ALKBH2: variants seen among roughly 807,000 people sequenced by gnomAD.
ALKBH2 encodes alkB homolog 2, alpha-ketoglutarate dependent dioxygenase.
Under a neutral mutation model 19.7 loss-of-function variants are expected in ALKBH2, and 19 were observed. That is an observed-to-expected ratio of 0.97 (90% CI 0.67 to 1.42). The LOEUF is 1.42. ALKBH2 is among the 40% of genes most tolerant of loss of function. The pLI is 0.00. For synonymous variants in ALKBH2, 135 were observed against 131.2 expected (o/e 1.03, Z -0.20); for missense variants, 310 against 328.5 (o/e 0.94, Z 0.43).
rs1330035474 is a variant in ALKBH2, at chr12:109,088,969, CAA to C, written c.480-459_480-458del. 3.3e-5 allele frequency among the ~76,000 whole-genome samples: 5 copies of C among 152,282 alleles called. No individual in the cohort carries two copies. Among genetic ancestry groups the C allele is most frequent in the African/African-American group, 1.2e-4 (5 of 41,556 alleles). ...AAGCAATTCACTCTCCTTGGCCTCC[CAA>C]AGTGTTGGGATTACAGGCATGAGTC... On this transcript the variant is annotated intron_variant, in intron 3 of 3. Transcript: ENST00000429722. The surrounding 1 kb of genome is among the most constrained non-coding windows in gnomAD (Gnocchi z 4.2).
Position 109,090,041 on chromosome 12 carries a change from A to G in ALKBH2, c.447T>C (p.Thr149=), listed in dbSNP as rs767841243. ...ERIRDHVSGV[T]GQTFNFVLIN... is the part of the protein sequence containing the mutation. ...TGAGCACAAAGTTGAAGGTCTGTCCAGTCACCCCAGAGACGTGATCCCGGA... is the reference window on the plus strand; with the variant it reads ...TGAGCACAAAGTTGAAGGTCTGTCCGGTCACCCCAGAGACGTGATCCCGGA... The change falls in exon 3 of 4, where the codon ACT becomes ACC. Residue 149 remains threonine, a synonymous_variant. Transcript: ENST00000429722. The G allele has an allele frequency of 1.2e-6, 2 of 1,614,226 alleles. No individual in the cohort carries two copies. The highest frequency in any genetic ancestry group is 8.5e-7 in the Non-Finnish European group (1 of 1,180,036).
intron 2 of ALKBH2, among the ~76,000 whole-genome samples, chr12:109,090,921 A>T (rs1354928303): frequency 1.3e-5 from 2 of 152,128 alleles, no homozygotes. Context: ...TTTTTTAGTG[A>T]ACACTGTAAC....
intron 3 of ALKBH2, 74 bp downstream of exon 3, chr12:109,089,935 G>A: frequency 6.5e-7 from 1 of 1,536,378 alleles, no homozygotes. Context: ...AACCAAATAG[G>A]GTGGAACCCT....
chr12:109,089,714 G>T, intron 3 of ALKBH2: 1 of 391,470 alleles, frequency 2.6e-6, no homozygotes, highest in Non-Finnish European at 4.8e-6. Flanking sequence ...AGCAGTTTGA[G>T]ACCAAGCCTG....
Position 109,088,300 on chromosome 12 carries a change from T to C in ALKBH2, c.692A>G (p.Asn231Ser), listed in dbSNP as rs2041997485. The C allele has an allele frequency of 1.2e-6, 2 of 1,614,044 alleles. No homozygotes were observed. Among genetic ancestry groups the C allele is most frequent in the African/African-American group, 1.3e-5 (1 of 74,914 alleles). The change falls in exon 4 of 4, where the codon AAC becomes AGC. Residue 231 changes from asparagine to serine, a missense_variant. Coordinates refer to ENST00000429722, the MANE Select transcript of ALKBH2 (RefSeq NM_001145374.2). This position sits in a 1 kb window ranked among gnomAD's most constrained non-coding sequence, Gnocchi z 4.2. Reference protein sequence around the residue: ...GSLLMMNHPTNTHWYHSLPVR... With the variant: ...GSLLMMNHPTSTHWYHSLPVR... ...GGGAAGACTGTGGTACCAGTGCGTG[T>C]TGGTCGGGTGGTTCATCATTAGTAA...
chr12:109,088,243 T>C lies in ALKBH2; in HGVS notation c.749A>G (p.Asn250Ser). Residue 250 changes from asparagine to serine, a missense_variant, in exon 4 of 4, where the codon AAT (asparagine) becomes AGT (serine). By Grantham distance (46) the Asn-to-Ser change is conservative. Coordinates refer to ENST00000429722, the MANE Select transcript of ALKBH2 (RefSeq NM_001145374.2). The surrounding 1 kb of genome is among the most constrained non-coding windows in gnomAD (Gnocchi z 4.2). ...AAGCAAAATTTTACGAAAAGTCAGA[T>C]TCACCCGTGGAGCCAGAACCTTCTT... ...VRKKVLAPRV[N>S]LTFRKILLTK... is the part of the protein sequence containing the mutation. The C allele has an allele frequency of 1.2e-6, 2 of 1,604,180 alleles. No individual in the cohort carries two copies. The highest frequency in any genetic ancestry group is 1.7e-6 in the Non-Finnish European group (2 of 1,174,516).
At chr12:109,089,984 T>A (rs2042036098) in intron 3 of ALKBH2, 25 bp downstream of exon 3, 2 of 1,612,738 alleles carry the variant, frequency 1.2e-6, no homozygotes, top group Non-Finnish European at 1.7e-6. Flanking sequence ...ACTTGTAACA[T>A]TGAGTCCACT....
At position 109,092,556 on chromosome 12, in the gene ALKBH2, C is replaced by T. The variant is rs1208659677; in HGVS notation, c.231G>A (p.Glu77=). Residue 77 remains glutamate (E), a synonymous_variant, in exon 2 of 4, where the codon GAG becomes GAA. Coordinates refer to ENST00000429722, the MANE Select transcript of ALKBH2 (RefSeq NM_001145374.2). ...CSYTVLFGKA[E]ADEIFQELEK... is the part of the protein sequence containing the mutation. Reference sequence around the variant, plus strand: ...CCAACTCTTGGAAAATCTCATCTGCCTCAGCTTTGCCAAACAGGACTGTGT... The same window carrying T: ...CCAACTCTTGGAAAATCTCATCTGCTTCAGCTTTGCCAAACAGGACTGTGT... 1 of 1,605,846 alleles carries T rather than the reference C, an allele frequency of 6.2e-7. No homozygotes were observed. The highest frequency in any genetic ancestry group is 1.3e-5 in the African/African-American group (1 of 74,590).
intron 2 of ALKBH2, among the ~76,000 whole-genome samples, chr12:109,091,023 G>A (rs767980795): frequency 5.3e-5 from 8 of 152,212 alleles, no homozygotes; most frequent in African/African-American, 1.9e-4. Flanking sequence ...CTTGTCAACT[G>A]TAGGGACTAA....
At position 109,088,353 on chromosome 12, in the gene ALKBH2, C is replaced by T. The variant is rs775339585; in HGVS notation, c.639G>A (p.Val213=). 6.2e-7 allele frequency: 1 copy of T among 1,614,084 alleles called. No homozygotes were observed. Among genetic ancestry groups the T allele is most frequent in the Non-Finnish European group, 8.5e-7 (1 of 1,180,012 alleles). ...RGKSPSRRVA[V]VRLPLAHGSL... is the part of the protein sequence containing the mutation. The stretch of plus-strand genomic sequence containing the variant: ...TCCCGTGGGCCAGCGGCAGCCTGAC[C>T]ACCGCCACCCTCCTGGAGGGGCTTT... The change falls in exon 4 of 4, where the codon GTG becomes GTA. Residue 213 remains valine (V), a synonymous_variant. Coordinates refer to ENST00000429722, the MANE Select transcript of ALKBH2 (RefSeq NM_001145374.2). The surrounding 1 kb of genome is among the most constrained non-coding windows in gnomAD (Gnocchi z 4.2).
At chr12:109,090,814 A>G (rs1002699958) in intron 2 of ALKBH2, among the ~76,000 whole-genome samples, 1 of 152,184 alleles carries the variant, frequency 6.6e-6, no homozygotes, top group Non-Finnish European at 1.5e-5. Context: ...GTCTGGGATT[A>G]TAGGTGTGCA....
chr12:109,089,859 A>G, intron 3 of ALKBH2, 150 bp downstream of exon 3: 1 of 762,054 alleles, frequency 1.3e-6, no homozygotes, highest in Non-Finnish European at 2.1e-6. Context: ...GGATCCAGGA[A>G]GACCGAGTGC....
Position 109,092,472 on chromosome 12 carries a change from T to G in ALKBH2, c.280+35A>C, listed in dbSNP as rs763388619. ...TTAATTGCACCAAACAAGCCCTCAA[T>G]GCACACACACACACACACACACCCC... On this transcript the variant is annotated intron_variant, in intron 2 of 3. Coordinates refer to ENST00000429722, the MANE Select transcript of ALKBH2 (RefSeq NM_001145374.2). The G allele has an allele frequency of 7.3e-6, 6 of 821,206 alleles. No homozygotes were observed. In the Admixed American group the frequency reaches 2.4e-4, roughly 33 times the overall value. The allele number at this position is 821,206 out of a possible 1,614,324, so 50.9% of individuals were successfully genotyped here. A position where few individuals can be genotyped will look rare whatever the true frequency, so the allele number is the denominator to read the frequency against.
chr12:109,092,772 C>T lies in ALKBH2; in HGVS notation c.15G>A (p.Leu5=). 4 of 1,613,054 alleles carry T rather than the reference C, an allele frequency of 2.5e-6. No individual in the cohort carries two copies. Among genetic ancestry groups the T allele is most frequent in the Non-Finnish European group, 3.4e-6 (4 of 1,179,430 alleles). The stretch of plus-strand genomic sequence containing the variant: ...AAAGGCCCCCTTGAGCCCCTTTCAC[C>T]AGGAATCTGTCCATCCTGTCCCCAC... MDRF[L]VKGAQGGLLR... is the part of the protein sequence containing the mutation. Residue 5 remains leucine (L), a synonymous_variant, in exon 2 of 4, where the codon CTG becomes CTA. Transcript: ENST00000429722.
intron 2 of ALKBH2, 83 bp from the exon 3 acceptor site, chr12:109,090,290 C>T: frequency 8.0e-7 from 1 of 1,256,016 alleles, no homozygotes; most frequent in Non-Finnish European, 1.1e-6. Context: ...GCACTGCCAT[C>T]ACCAGAAATC....
chr12:109,088,344 CA>C lies in ALKBH2; in HGVS notation c.647del (p.Leu216ArgfsTer9). 1 of 1,614,100 alleles carries C rather than the reference CA, an allele frequency of 6.2e-7. No individual in the cohort carries two copies. Among genetic ancestry groups the C allele is most frequent in the Non-Finnish European group, 8.5e-7 (1 of 1,180,008 alleles). On this transcript the variant is annotated frameshift_variant, in exon 4 of 4. Transcript: ENST00000429722. LOFTEE classifies it high-confidence loss of function. This position sits in a 1 kb window ranked among gnomAD's most constrained non-coding sequence, Gnocchi z 4.2. ...TTAGTAAGCTCCCGTGGGCCAGCGG[CA>C]GCCTGACCACCGCCACCCTCCTGGA... ...SPSRRVAVVR[L>X]PLAHGSLLMM...
chr12:109,091,416 T>TC, intron 2 of ALKBH2, among the ~76,000 whole-genome samples: 1 of 151,864 alleles, frequency 6.6e-6, no homozygotes, highest in South Asian at 2.1e-4. Flanking sequence ...GACGAGGGGG[T>TC]CTCACTATGT....
chr12:109,092,853 C>A lies in ALKBH2; in HGVS notation c.-67G>T. 1 of 1,528,780 alleles carries A rather than the reference C, an allele frequency of 6.5e-7. No individual in the cohort carries two copies. Among genetic ancestry groups the A allele is most frequent in the Non-Finnish European group, 8.8e-7 (1 of 1,141,884 alleles). The allele number at this position is 1,528,780 out of a possible 1,614,324, so 94.7% of individuals were successfully genotyped here. A position where few individuals can be genotyped will look rare whatever the true frequency, so the allele number is the denominator to read the frequency against. ...AGACAGAAATTGCTCAAGTTCTATCCCCAGTGCAAAAATCTGTTTGTCCAA... is the reference window on the plus strand; with the variant it reads ...AGACAGAAATTGCTCAAGTTCTATCACCAGTGCAAAAATCTGTTTGTCCAA... On this transcript the variant is annotated 5_prime_UTR_variant, in exon 2 of 4. Transcript: ENST00000429722.
intron 2 of ALKBH2, 182 bp downstream of exon 2, chr12:109,092,325 T>C (rs2042073662): frequency 1.1e-6 from 1 of 931,746 alleles, no homozygotes; most frequent in African/African-American, 1.7e-5. Flanking sequence ...TCTTTCAAGT[T>C]TATGTCCCAA....
Sources: allele counts gnomAD v4.1 joint callset (sites outside exome capture counted in the v4.1 genomes callset), GRCh38; gene constraint gnomAD v4.1.1; non-coding constraint Gnocchi (gnomAD v3.1); transcripts MANE v1.5; gene names NCBI Gene and HGNC (gene_info 2026-07-23, HGNC 2026-07-21).